CTTNBP2NL: variants seen among roughly 807,000 people sequenced by gnomAD.
The protein encoded by CTTNBP2NL is CTTNBP2 N-terminal-like protein.
A neutral mutation model predicts 32.5 loss-of-function variants in CTTNBP2NL; 16 were observed. That is an observed-to-expected ratio of 0.49 (90% confidence interval 0.33 to 0.75). The LOEUF (loss-of-function observed/expected upper bound fraction) is 0.75, where lower values mean the gene tolerates loss of function less well. Among genes scored for constraint, CTTNBP2NL ranks in the 30% least tolerant of loss-of-function variants. The pLI, the probability that CTTNBP2NL is intolerant of heterozygous loss-of-function variation, is 0.02. For missense variants in CTTNBP2NL, 645 were observed against 756.0 expected (o/e 0.85, Z 1.72); for synonymous variants, 298 against 289.4 (o/e 1.03, Z -0.30).
chr1:112,394,511 CT>C (rs1289207638), upstream of CTTNBP2NL, among the ~76,000 whole-genome samples: 22 of 152,198 alleles, frequency 1.4e-4, no homozygotes, highest in Non-Finnish European at 2.6e-4. Flanking sequence ...CTCATTTTAG[CT>C]TTCAGATTGT....
At chr1:112,431,703 A>G (rs1247413843) in intron 3 of CTTNBP2NL, among the ~76,000 whole-genome samples, 1 of 152,214 alleles carries the variant, frequency 6.6e-6, no homozygotes, top group Non-Finnish European at 1.5e-5. Flanking sequence ...AATATTATAT[A>G]CTTTTTTTAA....
upstream of CTTNBP2NL, among the ~76,000 whole-genome samples, chr1:112,392,903 G>T (rs1648219948): frequency 6.6e-6 from 1 of 151,958 alleles, no homozygotes; most frequent in South Asian, 2.1e-4. Context: ...TGTTGCCCAG[G>T]GTGGAGTGCA....
chr1:112,424,595 G>T (rs1570727714), intron 3 of CTTNBP2NL, among the ~76,000 whole-genome samples: 1 of 152,278 alleles, frequency 6.6e-6, no homozygotes, highest in East Asian at 1.9e-4. Flanking sequence ...TGAATCTAGA[G>T]ATCAATTTGG....
At chr1:112,448,534 C>G (rs1375878745) in intron 3 of CTTNBP2NL, among the ~76,000 whole-genome samples, 1 of 152,062 alleles carries the variant, frequency 6.6e-6, no homozygotes, top group African/African-American at 2.4e-5. Flanking sequence ...CAGATATAAG[C>G]AGAGTCAGTA....
In CTTNBP2NL at chr1:112,460,218, C is replaced by G. The variant is rs1011605077; in HGVS notation, c.*2806C>G. On this transcript the variant is annotated 3_prime_UTR_variant, in exon 6 of 6. Transcript: ENST00000271277. ...ATTTTTATAGCAGACTGCATTAAAACAAGTTAAATCTTGCTGTTTGGGGGG... is the reference window on the plus strand; with the variant it reads ...ATTTTTATAGCAGACTGCATTAAAAGAAGTTAAATCTTGCTGTTTGGGGGG... The G allele has an allele frequency of 6.6e-6, 1 of 152,144 alleles. No individual in the cohort carries two copies. Among genetic ancestry groups the G allele is most frequent in the Non-Finnish European group, 1.5e-5 (1 of 68,012 alleles). The allele number at this position is 152,144 out of a possible 1,614,324, so 9.4% of individuals were successfully genotyped here.
rs565801501 is a variant in CTTNBP2NL, at chr1:112,418,514, G to T, written c.99+2250G>T. Among the ~76,000 whole-genome samples, 207 of 151,874 alleles carry T rather than the reference G, an allele frequency of 1.4e-3. 1 individual carries two copies. Among genetic ancestry groups the T allele is most frequent in the Non-Finnish European group, 9.6e-4 (65 of 67,942 alleles). ...TATGGAGGGGACCTATACTATATTTGGTCCTAATTAAATTTTATTTAAAGT... is the reference window on the plus strand; with the variant it reads ...TATGGAGGGGACCTATACTATATTTTGTCCTAATTAAATTTTATTTAAAGT... On this transcript the variant is annotated intron_variant, in intron 3 of 5. Coordinates refer to ENST00000271277, the MANE Select transcript of CTTNBP2NL (RefSeq NM_018704.3).
In CTTNBP2NL at chr1:112,459,540, T is replaced by C. The variant is rs1280355956; in HGVS notation, c.*2128T>C. ...TGGAGTATATTGGCAACTCCACAGC[T>C]TATAGTTTGATAAAGGCAAATACAT... On this transcript the variant is annotated 3_prime_UTR_variant, in exon 6 of 6. Coordinates refer to ENST00000271277, the MANE Select transcript of CTTNBP2NL (RefSeq NM_018704.3). 6.6e-6 allele frequency: 1 copy of C among 152,208 alleles called. No individual in the cohort carries two copies. The highest frequency in any genetic ancestry group is 2.4e-5 in the African/African-American group (1 of 41,442). The allele number at this position is 152,208 out of a possible 1,614,324, so 9.4% of individuals were successfully genotyped here.
chr1:112,446,197 G>GAAAA (rs71723384), intron 3 of CTTNBP2NL, among the ~76,000 whole-genome samples: 1 of 144,580 alleles, frequency 6.9e-6, no homozygotes. Flanking sequence ...TAAAAAAGTG[G>GAAAA]AAAAAAAAAA....
chr1:112,435,082 G>T (rs1365029305), intron 3 of CTTNBP2NL, among the ~76,000 whole-genome samples: 2 of 140,182 alleles, frequency 1.4e-5, no homozygotes, highest in African/African-American at 2.6e-5. Context: ...GGCAGAGATT[G>T]TAGCAAGCCG....
chr1:112,415,096 C>T (rs892190456), intron 2 of CTTNBP2NL, among the ~76,000 whole-genome samples: 53 of 151,788 alleles, frequency 3.5e-4, no homozygotes, highest in Non-Finnish European at 6.2e-4. Context: ...GAGGCTGAGG[C>T]GGGAGAATTA....
In CTTNBP2NL at chr1:112,401,512, G is replaced by A. The variant is rs180808744; in HGVS notation, c.-134+5240G>A. Among the ~76,000 whole-genome samples the A allele has an allele frequency of 2.7e-3, 415 of 152,230 alleles. 4 individuals carry two copies. The highest frequency in any genetic ancestry group is 3.6e-3 in the Non-Finnish European group (242 of 68,010). ...TGGTTTTGTAGATACTGTGATTACC[G>A]TGCAGAGTTATACCTTCTGTGAAAT... On this transcript the variant is annotated intron_variant, in intron 1 of 5. Transcript: ENST00000271277.
chr1:112,418,234 A>C (rs1295564287), intron 3 of CTTNBP2NL, among the ~76,000 whole-genome samples: 1 of 152,158 alleles, frequency 6.6e-6, no homozygotes, highest in Non-Finnish European at 1.5e-5. Context: ...TAAAGTTCCC[A>C]TAGGCTGTAA....
intron 2 of CTTNBP2NL, among the ~76,000 whole-genome samples, chr1:112,412,608 CTTTTTTTTTT>C (rs35667800): frequency 3.4e-5 from 3 of 88,922 alleles, no homozygotes; most frequent in Non-Finnish European, 6.0e-5. Flanking sequence ...GAGTTGGTAC[CTTTTTTTTTT>C]TTTTTTTTTT....
At chr1:112,401,373 A>G (rs1417503432) in intron 1 of CTTNBP2NL, among the ~76,000 whole-genome samples, 1 of 152,104 alleles carries the variant, frequency 6.6e-6, no homozygotes, top group Non-Finnish European at 1.5e-5. Context: ...TTTTGGTCCA[A>G]GGAAAAAAGA....
chr1:112,450,613 C>G (rs1182722400), intron 4 of CTTNBP2NL, among the ~76,000 whole-genome samples: 1 of 152,144 alleles, frequency 6.6e-6, no homozygotes, highest in Non-Finnish European at 1.5e-5. Context: ...GGCTAGCTTT[C>G]ATGCCCATGG....
chr1:112,454,989 T>A (rs1271788163), intron 5 of CTTNBP2NL, among the ~76,000 whole-genome samples: 1 of 152,102 alleles, frequency 6.6e-6, no homozygotes, highest in Non-Finnish European at 1.5e-5. Context: ...GAAACAAAAA[T>A]CTCATGAAAT....
upstream of CTTNBP2NL, among the ~76,000 whole-genome samples, chr1:112,395,953 C>A (rs1648306021): frequency 6.6e-6 from 1 of 152,260 alleles, no homozygotes; most frequent in South Asian, 2.1e-4. Flanking sequence ...AAGTTGCAGA[C>A]CCCGAGCCGG....
At chr1:112,418,606 T>C (rs1158176254) in intron 3 of CTTNBP2NL, among the ~76,000 whole-genome samples, 2 of 152,158 alleles carry the variant, frequency 1.3e-5, no homozygotes, top group Non-Finnish European at 1.5e-5. Context: ...CTTTCCCTTT[T>C]ATTACTTTAA....
intron 3 of CTTNBP2NL, among the ~76,000 whole-genome samples, chr1:112,436,908 T>C (rs1316027784): frequency 6.6e-6 from 1 of 152,190 alleles, no homozygotes; most frequent in Non-Finnish European, 1.5e-5. Flanking sequence ...GTGTGGTATT[T>C]GGTTCCTGCA....
Sources: gnomAD v4.1 joint callset for allele counts (sites outside exome capture counted in the v4.1 genomes callset) on GRCh38, gnomAD v4.1.1 for gene constraint, MANE v1.5 for transcripts, NCBI Gene and HGNC (gene_info 2026-07-23, HGNC 2026-07-21) for gene names.